The following RYR3 variants were observed in gnomAD, a reference collection of about 807,000 sequenced individuals.
RYR3 encodes ryanodine receptor 3.
RYR3 carries 207 observed loss-of-function variants against 584.3 expected under a neutral mutation model. The observed-to-expected ratio is 0.35, with a 90% CI of 0.32 to 0.40. The LOEUF (loss-of-function observed/expected upper bound fraction) is 0.40, where lower values mean the gene tolerates loss of function less well. Among genes scored for constraint, RYR3 ranks in the 10% least tolerant of loss-of-function variants. The pLI, the probability that RYR3 is intolerant of heterozygous loss-of-function variation, is 1.00. For missense variants in RYR3, 5,616 were observed against 6,089.2 expected, an observed-to-expected ratio of 0.92 and a Z score of 2.59; for synonymous variants, 2,416 against 2,248.5, an observed-to-expected ratio of 1.07 and a Z score of -2.11.
intron 1 of RYR3, among the ~76,000 whole-genome samples, chr15:33,365,474 T>C (rs1274647918): frequency 6.6e-6 from 1 of 152,140 alleles, no homozygotes; most frequent in Non-Finnish European, 1.5e-5. Context: ...TCCAGGGTAG[T>C]GAGTTGCACA....
intron 89 of RYR3, 30 bp from the exon 90 acceptor site, chr15:33,840,795 A>G: frequency 2.5e-6 from 4 of 1,611,326 alleles, no homozygotes; most frequent in Non-Finnish European, 2.5e-6. Flanking sequence ...TTCTTTGAGG[A>G]AAGCTTGACT....
chr15:33,572,269 T>C (rs1221927117), intron 12 of RYR3, among the ~76,000 whole-genome samples: 2 of 152,220 alleles, frequency 1.3e-5, no homozygotes, highest in Non-Finnish European at 2.9e-5. Flanking sequence ...CCAGTATTCT[T>C]TATTTCTTTG....
Position 33,447,473 on chromosome 15 carries a change from T to C in RYR3, c.52-25946T>C, listed in dbSNP as rs373805551. 2.0e-5 allele frequency among the ~76,000 whole-genome samples: 3 copies of C among 152,122 alleles called. No homozygotes were observed. The East Asian group carries it at 5.8e-4, about 29-fold the overall frequency. On this transcript the variant is annotated intron_variant, in intron 1 of 103. Transcript: ENST00000634891. The stretch of plus-strand genomic sequence containing the variant: ...CCCACTTACTTTCCTCCGAGCAGTA[T>C]TGGGATTTTGGACTTCTTAGGAGGT...
Position 33,795,497 on chromosome 15 carries a change from C to T in RYR3, c.9831-5273C>T, listed in dbSNP as rs544694241. 1.4e-4 allele frequency among the ~76,000 whole-genome samples: 21 copies of T among 146,608 alleles called. 1 individual carries two copies. In the South Asian group the frequency reaches 4.1e-3, roughly 29 times the overall value. On this transcript the variant is annotated intron_variant, in intron 67 of 103. Transcript: ENST00000634891. ...GTAACCTCTGCCTCCTGGGTTCAAG[C>T]GATTCTCCTGCCTCAGCCTCCCAAG...
Position 33,628,466 on chromosome 15 carries a change from T to A in RYR3, c.2575-5T>A, listed in dbSNP as rs2061106859. 6.3e-7 allele frequency: 1 copy of A among 1,594,020 alleles called. No homozygotes were observed. The stretch of plus-strand genomic sequence containing the variant: ...GATTCTTTTCACTTGCTCCTTTTCC[T>A]TTAGGTTATTTTGCCACCTCACCTA... On this transcript the variant is annotated splice_polypyrimidine_tract_variant and splice_region_variant and intron_variant, in intron 20 of 103. Transcript: ENST00000634891.
chr15:33,595,940 C>T (rs2059349449), intron 16 of RYR3, among the ~76,000 whole-genome samples: 1 of 151,860 alleles, frequency 6.6e-6, no homozygotes, highest in African/African-American at 2.4e-5. Context: ...ACTGACTGCT[C>T]ATGACAGGGT....
chr15:33,825,011 G>A (rs531549304), intron 81 of RYR3, among the ~76,000 whole-genome samples: 1 of 152,292 alleles, frequency 6.6e-6, no homozygotes, highest in East Asian at 1.9e-4. Flanking sequence ...AGGCCAACTT[G>A]TCATAAATTC....
chr15:33,660,476 G>C (rs1206736743), intron 34 of RYR3, 53 bp downstream of exon 34: 5 of 1,279,290 alleles, frequency 3.9e-6, no homozygotes, highest in Non-Finnish European at 5.4e-6. Context: ...AGGTGAGGCA[G>C]AGCCAAGCCA....
intron 1 of RYR3, among the ~76,000 whole-genome samples, chr15:33,396,727 T>C (rs1027023444): frequency 6.6e-6 from 1 of 152,170 alleles, no homozygotes; most frequent in Non-Finnish European, 1.5e-5. Context: ...CTGCAGAGGA[T>C]ACCTGCCACT....
rs145997039 is a variant in RYR3 at position 33,422,560 on chromosome 15, A to G, written c.52-50859A>G. 4.6e-5 allele frequency among the ~76,000 whole-genome samples: 7 copies of G among 152,310 alleles called. No individual in the cohort carries two copies. The East Asian group carries it at 1.2e-3, about 25-fold the overall frequency. On this transcript the variant is annotated intron_variant, in intron 1 of 103. Coordinates refer to ENST00000634891, the MANE Select transcript of RYR3 (RefSeq NM_001036.6). ...TCAGAAGTGTGGGGAAGGCTTGATCATGGATTCATTAGGCTAGATGATAAG... is the reference window on the plus strand; with the variant it reads ...TCAGAAGTGTGGGGAAGGCTTGATCGTGGATTCATTAGGCTAGATGATAAG...
Position 33,474,700 on chromosome 15 carries a change from C to A in RYR3, c.171+1162C>A, listed in dbSNP as rs571018832. 9.2e-5 allele frequency among the ~76,000 whole-genome samples: 14 copies of A among 152,212 alleles called. 1 individual carries two copies. In the East Asian group the frequency reaches 2.1e-3, roughly 23 times the overall value. On this transcript the variant is annotated intron_variant, in intron 2 of 103. Coordinates refer to ENST00000634891, the MANE Select transcript of RYR3 (RefSeq NM_001036.6). ...TCTCACAGAACCTTTTTTAAAAAAA[C>A]CGAAAACAAAAATCAGAAATTGGTA... is the stretch of plus-strand genomic sequence containing the variant.
At chr15:33,359,470 T>C (rs1462495833) in intron 1 of RYR3, among the ~76,000 whole-genome samples, 1 of 152,188 alleles carries the variant, frequency 6.6e-6, no homozygotes, top group Non-Finnish European at 1.5e-5. Context: ...TTGCATGTCC[T>C]GTTGTCAGTA....
intron 50 of RYR3, 32 bp downstream of exon 50, chr15:33,738,622 G>A (rs1596370991): frequency 6.2e-7 from 1 of 1,611,342 alleles, no homozygotes; most frequent in Non-Finnish European, 8.5e-7. Context: ...CAAAAAGAGA[G>A]CATCTCAGTG....
In RYR3 at chr15:33,608,700, A is replaced by G. The variant is rs2060024987; in HGVS notation, c.2165-4483A>G. ...TAGTCCCAACTCTGTTCTCTACTGTACAAGCTTTAAAAATAGGCCCAGCCT... is the reference window on the plus strand; with the variant it reads ...TAGTCCCAACTCTGTTCTCTACTGTGCAAGCTTTAAAAATAGGCCCAGCCT... On this transcript the variant is annotated intron_variant, in intron 18 of 103. Transcript: ENST00000634891. 2.0e-5 allele frequency among the ~76,000 whole-genome samples: 3 copies of G among 152,236 alleles called. No homozygotes were observed. The South Asian group carries it at 6.2e-4, about 31-fold the overall frequency.
At chr15:33,783,240 G>T (rs1396914769) in intron 65 of RYR3, among the ~76,000 whole-genome samples, 1 of 152,196 alleles carries the variant, frequency 6.6e-6, no homozygotes, top group African/African-American at 2.4e-5. Context: ...TGCATTTTCA[G>T]CCGGTCTCCA....
chr15:33,725,974 C>CCCCACCG (rs1555427644), intron 45 of RYR3, among the ~76,000 whole-genome samples: 2 of 37,622 alleles, frequency 5.3e-5, no homozygotes, highest in African/African-American at 1.5e-4. Flanking sequence ...CATCCCCCCC[C>CCCCACCG]CCAAAAAAAA....
chr15:33,786,427 CTG>C (rs1303613940), intron 66 of RYR3, among the ~76,000 whole-genome samples: 3 of 152,028 alleles, frequency 2.0e-5, no homozygotes, highest in African/African-American at 4.8e-5. Flanking sequence ...GTATTTCACT[CTG>C]TGCTTTCTAA....
chr15:33,662,998 G>T lies in RYR3; in HGVS notation c.5418+50G>T. On this transcript the variant is annotated intron_variant, in intron 35 of 103. Coordinates refer to ENST00000634891, the MANE Select transcript of RYR3 (RefSeq NM_001036.6). ...GGCAGGTTAATAGATCTTCTGCTTT[G>T]ATCAAAATATCAGGAACACACTGAG... 4 of 1,509,912 alleles carry T rather than the reference G, an allele frequency of 2.6e-6. No individual in the cohort carries two copies. In the South Asian group the frequency reaches 3.6e-5, roughly 14 times the overall value. 93.5% of individuals were successfully genotyped at this position (1,509,912 alleles called of 1,614,324 possible).
intron 62 of RYR3, among the ~76,000 whole-genome samples, chr15:33,770,600 A>C (rs1425841593): frequency 1.3e-5 from 2 of 152,134 alleles, no homozygotes; most frequent in Non-Finnish European, 2.9e-5. Context: ...AATTTTAAAA[A>C]TTATCCAGAC....
Sources: gnomAD v4.1 joint callset for allele counts (sites outside exome capture counted in the v4.1 genomes callset) on GRCh38, gnomAD v4.1.1 for gene constraint, MANE v1.5 for transcripts, NCBI Gene and HGNC (gene_info 2026-07-23, HGNC 2026-07-21) for gene names.